Variants in GPR171 observed in about 807,000 individuals in gnomAD.
The protein encoded by GPR171 is G protein-coupled receptor 171, also known as F730001G15Rik.
A neutral mutation model predicts 16.7 loss-of-function variants in GPR171; 14 were observed. The ratio of observed to expected loss-of-function variants is 0.84; its 90% CI spans 0.55 to 1.31. The LOEUF is 1.31. GPR171 is among the 40% of genes most tolerant of loss of function. The pLI is 0.00. For synonymous variants in GPR171, 134 were observed against 135.6 expected (o/e 0.99, Z 0.08); for missense variants, 337 against 378.9 (o/e 0.89, Z 0.92).
intron 2 of GPR171, among the ~76,000 whole-genome samples, chr3:151,200,113 CT>C (rs1404769901): frequency 6.9e-6 from 1 of 145,584 alleles, no homozygotes; most frequent in East Asian, 2.2e-4. Context: ...CTTTTTTTTT[CT>C]TTCATTGTGG....
chr3:151,200,102 G>A (rs1337558527), intron 2 of GPR171, among the ~76,000 whole-genome samples: 1 of 152,066 alleles, frequency 6.6e-6, no homozygotes, highest in African/African-American at 2.4e-5. Context: ...CACTTGAGTC[G>A]CTTTTTTTTT....
chr3:151,199,330 A>T lies in GPR171; in HGVS notation c.57T>A (p.Tyr19Ter). Residue 19 changes from tyrosine (Y) to a stop codon, truncating the protein, a stop_gained, in exon 3 of 3, where the codon TAT becomes TAA. Coordinates refer to ENST00000309180, the MANE Select transcript of GPR171 (RefSeq NM_013308.4). LOFTEE classifies it high-confidence loss of function. Reference protein sequence around the residue: ...PVYKDLEPFTYFFYLVFLVGI... With the variant: ...PVYKDLEPFT ...CAACAAGGAAAACTAAATAAAAAAA[A>T]TACGTGAATGGCTCCAGATCTTTAT... is the stretch of plus-strand genomic sequence containing the variant. 6.2e-7 allele frequency: 1 copy of T among 1,613,598 alleles called. No individual in the cohort carries two copies. Among genetic ancestry groups the T allele is most frequent in the Non-Finnish European group, 8.5e-7 (1 of 1,179,568 alleles).
In GPR171 at chr3:151,198,395, G is replaced by A. The variant is rs1192707486; in HGVS notation, c.*32C>T. On this transcript the variant is annotated 3_prime_UTR_variant, in exon 3 of 3. Transcript: ENST00000309180. ...ATAATTAACTTTATGGTCCAGTAAGGCCAGAATTGGTAGCACAAAAAATCC... is the reference window on the plus strand; with the variant it reads ...ATAATTAACTTTATGGTCCAGTAAGACCAGAATTGGTAGCACAAAAAATCC... The A allele has an allele frequency of 2.0e-6, 3 of 1,516,170 alleles. No individual in the cohort carries two copies. The highest frequency in any genetic ancestry group is 1.8e-6 in the Non-Finnish European group (2 of 1,119,394). The allele number at this position is 1,516,170 out of a possible 1,614,324, so 93.9% of individuals were successfully genotyped here. A position where few individuals can be genotyped will look rare whatever the true frequency, so the allele number is the denominator to read the frequency against.
At position 151,198,343 on chromosome 3, in the gene GPR171, T is replaced by TTG. The variant is rs199947625; in HGVS notation, c.*83_*84insCA. 0.024 allele frequency: 10,730 copies of TTG among 451,140 alleles called. 17 individuals carry two copies. Among genetic ancestry groups the TTG allele is most frequent in the South Asian group, 0.047 (900 of 18,960 alleles). The allele number at this position is 451,140 out of a possible 1,614,324, so 27.9% of individuals were successfully genotyped here. On this transcript the variant is annotated 3_prime_UTR_variant, in exon 3 of 3. Transcript: ENST00000309180. ...TTTTTTCATACTGAGTTTTTTTTTGTTTTTTTTTTTTTTATCTTTCAAAGC... is the reference window on the plus strand; with the variant it reads ...TTTTTTCATACTGAGTTTTTTTTTGTTGTTTTTTTTTTTTTATCTTTCAAAGC...
At chr3:151,201,078 C>G (rs1369526377) in intron 1 of GPR171, 81 bp from the exon 2 acceptor site, 1 of 152,156 alleles carries the variant, frequency 6.6e-6, no homozygotes, top group African/African-American at 2.4e-5. Context: ...TAAGGGCTTA[C>G]TGTGTGGGCA....
chr3:151,199,032 T>C lies in GPR171; in HGVS notation c.355A>G (p.Ser119Gly). 6.2e-7 allele frequency: 1 copy of C among 1,614,188 alleles called. No individual in the cohort carries two copies. Among genetic ancestry groups the C allele is most frequent in the Non-Finnish European group, 8.5e-7 (1 of 1,180,008 alleles). The change falls in exon 3 of 3, where the codon AGC becomes GGC. Residue 119 changes from serine (S) to glycine (G), a missense_variant. Coordinates refer to ENST00000309180, the MANE Select transcript of GPR171 (RefSeq NM_013308.4). ...TCTTGTATTCGGTAGATCTTGCAGCTGTGTGTCAGCTGAAGACAGCGGTCA... is the reference window on the plus strand; with the variant it reads ...TCTTGTATTCGGTAGATCTTGCAGCCGTGTGTCAGCTGAAGACAGCGGTCA... ...SIDRCLQLTH[S>G]CKIYRIQEPG...
Position 151,199,442 on chromosome 3 carries a change from GT to G in GPR171, c.-53-4del, listed in dbSNP as rs1485818607. 7 of 1,466,652 alleles carry G rather than the reference GT, an allele frequency of 4.8e-6. No individual in the cohort carries two copies. The East Asian group carries it at 1.6e-4, about 33-fold the overall frequency. 90.9% of individuals were successfully genotyped at this position (1,466,652 alleles called of 1,614,324 possible). A position where few individuals can be genotyped will look rare whatever the true frequency, so the allele number is the denominator to read the frequency against. On this transcript the variant is annotated splice_region_variant and splice_polypyrimidine_tract_variant and intron_variant, in intron 2 of 2. Transcript: ENST00000309180. ...GAAAAGAAAAAATTTCTAAGACTCTGTAAAAGAAACAAGGAAAGGGAGGTTA... is the reference window on the plus strand; with the variant it reads ...GAAAAGAAAAAATTTCTAAGACTCTGAAAAGAAACAAGGAAAGGGAGGTTA...
chr3:151,202,360 G>C (rs981989866), intron 1 of GPR171, among the ~76,000 whole-genome samples: 2 of 152,202 alleles, frequency 1.3e-5, no homozygotes, highest in Non-Finnish European at 2.9e-5. Flanking sequence ...TTTGGATAGA[G>C]TGCCCATTGC....
Position 151,198,953 on chromosome 3 carries a change from A to G in GPR171, c.434T>C (p.Ile145Thr), listed in dbSNP as rs754254367. The G allele has an allele frequency of 5.0e-6, 8 of 1,613,898 alleles. No individual in the cohort carries two copies. The highest frequency in any genetic ancestry group is 1.7e-5 in the Admixed American group (1 of 60,010). The stretch of plus-strand genomic sequence containing the variant: ...GGGAATCATCATATTTGGCACCATT[A>G]TAAGAAGGACCATTAGCCACACAAC... Reference protein sequence around the residue: ...STVVWLMVLLIMVPNMMIPIK... With the variant: ...STVVWLMVLLTMVPNMMIPIK... Residue 145 changes from isoleucine (I) to threonine (T), a missense_variant, in exon 3 of 3, where the codon ATA (isoleucine) becomes ACA (threonine). Transcript: ENST00000309180.
In GPR171 at chr3:151,198,503, T is replaced by A. The variant is rs1359297697; in HGVS notation, c.884A>T (p.Lys295Met). Residue 295 changes from lysine to methionine, a missense_variant, in exon 3 of 3, where the codon AAG becomes ATG. Coordinates refer to ENST00000309180, the MANE Select transcript of GPR171 (RefSeq NM_013308.4). Reference protein sequence around the residue: ...YYHLSKAFRSKVTETFASPKE... With the variant: ...YYHLSKAFRSMVTETFASPKE... ...AGGTGAGGCAAAAGTCTCAGTGACC[T>A]TTGAGCGGAATGCTTTTGAGAGGTG... 1 of 1,613,670 alleles carries A rather than the reference T, an allele frequency of 6.2e-7. No homozygotes were observed. The highest frequency in any genetic ancestry group is 8.5e-7 in the Non-Finnish European group (1 of 1,179,606).
chr3:151,198,739 T>C lies in GPR171; in HGVS notation c.648A>G (p.Pro216=). The C allele has an allele frequency of 6.2e-7, 1 of 1,613,516 alleles. No individual in the cohort carries two copies. The highest frequency in any genetic ancestry group is 8.5e-7 in the Non-Finnish European group (1 of 1,179,386). The part of the protein sequence containing the change: ...LYRNKDNENY[P]NVKKALINIL... Reference sequence around the variant, plus strand: ...TGTTGATGAGAGCCTTTTTCACATTTGGGTAATTTTCATTATCTTTGTTTC... The same window carrying C: ...TGTTGATGAGAGCCTTTTTCACATTCGGGTAATTTTCATTATCTTTGTTTC... The change falls in exon 3 of 3, where the codon CCA becomes CCG. Residue 216 remains proline (P), a synonymous_variant. Coordinates refer to ENST00000309180, the MANE Select transcript of GPR171 (RefSeq NM_013308.4).
chr3:151,198,486 C>A lies in GPR171; in HGVS notation c.901G>T (p.Ala301Ser). Residue 301 changes from alanine (A) to serine (S), a missense_variant, in exon 3 of 3, where the codon GCC (alanine) becomes TCC (serine). Coordinates refer to ENST00000309180, the MANE Select transcript of GPR171 (RefSeq NM_013308.4). ...TGAGCCTTGGTCTCTTTAGGTGAGGCAAAAGTCTCAGTGACCTTTGAGCGG... is the reference window on the plus strand; with the variant it reads ...TGAGCCTTGGTCTCTTTAGGTGAGGAAAAAGTCTCAGTGACCTTTGAGCGG... ...AFRSKVTETFASPKETKAQKE... is the reference protein window; with the variant it reads ...AFRSKVTETFSSPKETKAQKE... 1 of 1,613,120 alleles carries A rather than the reference C, an allele frequency of 6.2e-7. No individual in the cohort carries two copies. The highest frequency in any genetic ancestry group is 2.2e-5 in the East Asian group (1 of 44,872).
rs1381942400 is a variant in GPR171, at chr3:151,198,766, G to A, written c.621C>T (p.Tyr207=). Residue 207 remains tyrosine (Y), a synonymous_variant, in exon 3 of 3, where the codon TAC becomes TAT. Transcript: ENST00000309180. ...GGTAATTTTCATTATCTTTGTTTCTGTAGAGCTGTCGAATTACAAGGCAAT... is the reference window on the plus strand; with the variant it reads ...GGTAATTTTCATTATCTTTGTTTCTATAGAGCTGTCGAATTACAAGGCAAT... ...ISNCLVIRQL[Y]RNKDNENYPN... is the part of the protein sequence containing the mutation. 1 of 1,613,440 alleles carries A rather than the reference G, an allele frequency of 6.2e-7. No homozygotes were observed. The highest frequency in any genetic ancestry group is 8.5e-7 in the Non-Finnish European group (1 of 1,179,480).
rs536875281 is a variant in GPR171 at position 151,198,107 on chromosome 3, G to A, written c.*320C>T. The A allele has an allele frequency of 6.6e-5, 12 of 181,106 alleles. No individual in the cohort carries two copies. The highest frequency in any genetic ancestry group is 1.0e-4 in the Non-Finnish European group (9 of 87,506). 11.2% of individuals were successfully genotyped at this position (181,106 alleles called of 1,614,324 possible). A position where few individuals can be genotyped will look rare whatever the true frequency, so the allele number is the denominator to read the frequency against. ...AGAAGTCAGTTCCAGGCATTTAAAT[G>A]AATAACTCATGAATACCTTTGGGTC... On this transcript the variant is annotated 3_prime_UTR_variant, in exon 3 of 3. Coordinates refer to ENST00000309180, the MANE Select transcript of GPR171 (RefSeq NM_013308.4).
At chr3:151,201,227 T>A (rs867196604) in intron 1 of GPR171, among the ~76,000 whole-genome samples, 5,799 of 149,670 alleles carry the variant, frequency 0.039, 355 homozygotes, top group African/African-American at 0.14. Flanking sequence ...GCACACACTC[T>A]CTCTCTCTCT....
chr3:151,200,864 C>G (rs767730044), intron 2 of GPR171, 45 bp downstream of exon 2: 2 of 151,992 alleles, frequency 1.3e-5, no homozygotes, highest in Non-Finnish European at 2.9e-5. Context: ...TGTTATTGTC[C>G]CTGCTTTACA....
intron 1 of GPR171, among the ~76,000 whole-genome samples, chr3:151,202,883 G>T (rs973694604): frequency 1.1e-4 from 17 of 152,118 alleles, no homozygotes; most frequent in African/African-American, 3.9e-4. Context: ...ATTCAGTCTG[G>T]TGTCAATTAT....
Position 151,198,719 on chromosome 3 carries a change from A to G in GPR171, c.668T>C (p.Ile223Thr), listed in dbSNP as rs1725053939. The G allele has an allele frequency of 1.2e-6, 2 of 1,613,548 alleles. No homozygotes were observed. The highest frequency in any genetic ancestry group is 1.7e-5 in the Admixed American group (1 of 60,002). ...GCCCGTGGTCACTAAAAGTATGTTG[A>G]TGAGAGCCTTTTTCACATTTGGGTA... ...ENYPNVKKAL[I>T]NILLVTTGYI... Residue 223 changes from isoleucine to threonine, a missense_variant, in exon 3 of 3, where the codon ATC becomes ACC. Physicochemically the swap from Ile to Thr is moderately conservative, Grantham distance 89 (BLOSUM62 -1). Transcript: ENST00000309180.
Position 151,197,945 on chromosome 3 carries a change from ATAGAT to A in GPR171, c.*477_*481del, listed in dbSNP as rs1339867418. On this transcript the variant is annotated 3_prime_UTR_variant, in exon 3 of 3. Transcript: ENST00000309180. ...TGAAAGATTACCATCTTTTGAAGTG[ATAGAT>A]TAGAAATAAAATAGGCACAAGTTGT... is the stretch of plus-strand genomic sequence containing the variant. The A allele has an allele frequency of 1.3e-5, 2 of 152,758 alleles. No homozygotes were observed. The highest frequency in any genetic ancestry group is 4.8e-5 in the African/African-American group (2 of 41,476). 9.5% of individuals were successfully genotyped at this position (152,758 alleles called of 1,614,324 possible). A position where few individuals can be genotyped will look rare whatever the true frequency, so the allele number is the denominator to read the frequency against.
Sources: gnomAD v4.1 joint callset for allele counts (sites outside exome capture counted in the v4.1 genomes callset) on GRCh38, gnomAD v4.1.1 for gene constraint, MANE v1.5 for transcripts, NCBI Gene and HGNC (gene_info 2026-07-23, HGNC 2026-07-21) for gene names.